The following CSTF3 variants were observed in gnomAD, a reference collection of about 807,000 sequenced individuals.
The protein encoded by CSTF3 is cleavage stimulation factor subunit 3.
CSTF3 carries 29 observed loss-of-function variants against 105.8 expected under a neutral mutation model. That is an observed-to-expected ratio of 0.27 (90% CI 0.20 to 0.37). CSTF3 has a LOEUF of 0.37. Ranked by LOEUF, CSTF3 falls within the 10% of genes least tolerant of loss-of-function variation. CSTF3 has a pLI of 1.00. For synonymous variants in CSTF3, 252 were observed against 281.9 expected (o/e 0.89, Z 1.06); for missense variants, 357 against 879.3 (o/e 0.41, Z 7.51).
chr11:33,132,561 T>G (rs964026049), intron 3 of CSTF3, among the ~76,000 whole-genome samples: 13 of 152,188 alleles, frequency 8.5e-5, no homozygotes, highest in African/African-American at 2.9e-4. Flanking sequence ...TATTTTGACT[T>G]GGAATACCTG....
intron 15 of CSTF3, among the ~76,000 whole-genome samples, chr11:33,095,823 T>A (rs36072361): frequency 0.55 from 77,215 of 140,060 alleles, 22,540 homozygotes; most frequent in Non-Finnish European, 0.67. Context: ...CTGTCTCAAA[T>A]AAATAAATAA....
chr11:33,091,953 C>T lies in CSTF3; in HGVS notation c.1445+318G>A, dbSNP rs149745854. On this transcript the variant is annotated intron_variant, in intron 16 of 20. Coordinates refer to ENST00000323959, the MANE Select transcript of CSTF3 (RefSeq NM_001326.3). Reference sequence around the variant, plus strand: ...TGGTCTCAAACTCCTGGGCTAAAGTCATCTTTCCACCTTGGCCTCCCAAAA... The same window carrying T: ...TGGTCTCAAACTCCTGGGCTAAAGTTATCTTTCCACCTTGGCCTCCCAAAA... Among the ~76,000 whole-genome samples, 875 of 152,250 alleles carry T rather than the reference C, an allele frequency of 5.7e-3. 8 individuals are homozygous for T. The highest frequency in any genetic ancestry group is 0.02 in the African/African-American group (819 of 41,554).
intron 1 of CSTF3, among the ~76,000 whole-genome samples, chr11:33,148,694 C>CA (rs368373668): frequency 0.25 from 34,764 of 137,302 alleles, 4,747 homozygotes; most frequent in South Asian, 0.38. Context: ...GACTCCATCT[C>CA]AAAAAAAAAA....
At chr11:33,135,529 G>C (rs1255869615) in intron 3 of CSTF3, among the ~76,000 whole-genome samples, 2 of 152,118 alleles carry the variant, frequency 1.3e-5, no homozygotes, top group African/African-American at 4.8e-5. Flanking sequence ...AGCTTTCCAA[G>C]TGATTCTAAA....
intron 3 of CSTF3, among the ~76,000 whole-genome samples, chr11:33,122,134 A>G (rs1158196572): frequency 6.6e-6 from 1 of 152,232 alleles, no homozygotes; most frequent in East Asian, 1.9e-4. Context: ...ACTACAATTG[A>G]GATACATTGT....
intron 3 of CSTF3, among the ~76,000 whole-genome samples, chr11:33,112,582 C>T (rs1224377522): frequency 2.0e-5 from 3 of 152,010 alleles, no homozygotes. Flanking sequence ...TATAATTGGC[C>T]CATTTGATGC....
rs1855347347 is a variant in CSTF3, at chr11:33,108,424, GAGAAAC to G, written c.226-12_226-7del. ...TCATAATTTTTAGCTTTAATCTGAA[GAGAAAC>G]AGAAAAATATAGAATTAATACTATT... On this transcript the variant is annotated splice_polypyrimidine_tract_variant and splice_region_variant and intron_variant, in intron 3 of 20. Coordinates refer to ENST00000323959, the MANE Select transcript of CSTF3 (RefSeq NM_001326.3). 6.8e-7 allele frequency: 1 copy of G among 1,468,570 alleles called. No homozygotes were observed. The highest frequency in any genetic ancestry group is 9.1e-7 in the Non-Finnish European group (1 of 1,097,678). 91.0% of individuals were successfully genotyped at this position (1,468,570 alleles called of 1,614,324 possible).
chr11:33,151,445 C>CA (rs1234750927), intron 1 of CSTF3, among the ~76,000 whole-genome samples: 1 of 152,160 alleles, frequency 6.6e-6, no homozygotes, highest in African/African-American at 2.4e-5. Flanking sequence ...CTCGGCCTCT[C>CA]AAAGTGTTGG....
chr11:33,146,467 C>T (rs1855784044), intron 1 of CSTF3, among the ~76,000 whole-genome samples: 1 of 151,866 alleles, frequency 6.6e-6, no homozygotes, highest in Admixed American at 6.6e-5. Context: ...GTGGAAAGAT[C>T]GCTTGACCCC....
chr11:33,144,976 TTAA>T, intron 1 of CSTF3: 2 of 150,882 alleles, frequency 1.3e-5, no homozygotes, highest in South Asian at 1.3e-4. Context: ...GACCCTGTCT[TTAA>T]AAAAAAAAAA....
intron 3 of CSTF3, among the ~76,000 whole-genome samples, chr11:33,111,100 G>A (rs988106794): frequency 1.3e-5 from 2 of 151,994 alleles, no homozygotes; most frequent in East Asian, 1.9e-4. Context: ...CATAGTGGCC[G>A]GCGCCTGTAA....
At chr11:33,123,080 A>T (rs1855509179) in intron 3 of CSTF3, among the ~76,000 whole-genome samples, 1 of 152,080 alleles carries the variant, frequency 6.6e-6, no homozygotes, top group Non-Finnish European at 1.5e-5. Context: ...CAATAAATGT[A>T]ACACATTATT....
chr11:33,151,396 G>A (rs142666192), intron 1 of CSTF3, among the ~76,000 whole-genome samples: 67 of 151,998 alleles, frequency 4.4e-4, no homozygotes, highest in Admixed American at 7.9e-4. Context: ...ATATTGTCCA[G>A]GCTGGTCTTG....
chr11:33,150,038 A>G (rs1040112861), intron 1 of CSTF3, among the ~76,000 whole-genome samples: 5 of 148,782 alleles, frequency 3.4e-5, no homozygotes, highest in Middle Eastern at 3.4e-3. Flanking sequence ...ACAAACAAAC[A>G]ACAACAACAA....
intron 3 of CSTF3, among the ~76,000 whole-genome samples, chr11:33,110,952 C>T (rs1382502830): frequency 2.0e-5 from 3 of 152,072 alleles, no homozygotes; most frequent in Non-Finnish European, 2.9e-5. Context: ...AAAAGCAGGC[C>T]GGGCATGGTG....
chr11:33,095,954 C>A (rs1234120366), intron 15 of CSTF3, among the ~76,000 whole-genome samples: 1 of 150,348 alleles, frequency 6.7e-6, no homozygotes, highest in Admixed American at 6.7e-5. Context: ...GTTTTGGTGG[C>A]TAGAGGGTTT....
At chr11:33,097,660 C>T (rs1012842307) in intron 13 of CSTF3, among the ~76,000 whole-genome samples, 48 of 152,172 alleles carry the variant, frequency 3.2e-4, no homozygotes, top group African/African-American at 1.2e-3. Context: ...AGCTACCGCG[C>T]CCAGCCTGCA....
chr11:33,097,335 A>AC (rs1029360394), intron 13 of CSTF3, among the ~76,000 whole-genome samples: 1 of 152,018 alleles, frequency 6.6e-6, no homozygotes, highest in African/African-American at 2.4e-5. Context: ...TATCTAAAAA[A>AC]CTCAAGGGTT....
chr11:33,119,305 T>C (rs1855463866), intron 3 of CSTF3, among the ~76,000 whole-genome samples: 1 of 151,808 alleles, frequency 6.6e-6, no homozygotes, highest in African/African-American at 2.4e-5. Context: ...ACTATTTCTC[T>C]TACTTAATTT....
Sources: allele counts gnomAD v4.1 joint callset (sites outside exome capture counted in the v4.1 genomes callset), GRCh38; gene constraint gnomAD v4.1.1; transcripts MANE v1.5; gene names NCBI Gene and HGNC (gene_info 2026-07-23, HGNC 2026-07-21).